The following CELF3 variants were observed in gnomAD, a reference collection of about 807,000 sequenced individuals.
CELF3 encodes CAG repeat domain.
Under a neutral mutation model 59.6 loss-of-function variants are expected in CELF3, and 26 were observed. The ratio of observed to expected loss-of-function variants is 0.44; its 90% confidence interval spans 0.32 to 0.61. The LOEUF is 0.61. Among genes scored for constraint, CELF3 ranks in the 20% least tolerant of loss-of-function variants. The pLI is 0.06. For synonymous variants in CELF3, 245 were observed against 250.7 expected (o/e 0.98, Z 0.22); for missense variants, 387 against 627.2 (o/e 0.62, Z 4.09).
chr1:151,713,944 G>C (rs1673241655), intron 2 of CELF3, among the ~76,000 whole-genome samples: 1 of 152,068 alleles, frequency 6.6e-6, no homozygotes, highest in Non-Finnish European at 1.5e-5. Context: ...TGCCTCCCTG[G>C]GCATACCTGG....
At chr1:151,715,836 A>G (rs752826040) in intron 1 of CELF3, 40 bp downstream of exon 1, 1 of 1,594,006 alleles carries the variant, frequency 6.3e-7, no homozygotes, top group Non-Finnish European at 8.6e-7. Flanking sequence ...CCAGCCTCCC[A>G]GCCCACCCCG....
chr1:151,707,695 C>T (rs1400517442), intron 6 of CELF3, 47 bp from the exon 7 acceptor site: 2 of 1,598,204 alleles, frequency 1.3e-6, no homozygotes, highest in Non-Finnish European at 1.7e-6. Context: ...TGTGCCCAAG[C>T]CTGGCTCCCT....
chr1:151,714,624 G>C lies in CELF3; in HGVS notation c.198C>G (p.Ser66Arg). The C allele has an allele frequency of 1.9e-6, 3 of 1,560,030 alleles. No individual in the cohort carries two copies. Among genetic ancestry groups the C allele is most frequent in the Non-Finnish European group, 2.6e-6 (3 of 1,151,644 alleles). ...GAAGCGTCTTCTGTTCGTGCAGGGC[G>C]CTCTGGGCCTTCAGGGCTGAATCCC... The part of the protein sequence containing the change: ...CARDSALKAQ[S>R]ALHEQKTLPG... The change falls in exon 2 of 13, where the codon AGC (serine) becomes AGG (arginine). Residue 66 changes from serine (S) to arginine (R), a missense_variant. Coordinates refer to ENST00000290583, the MANE Select transcript of CELF3 (RefSeq NM_007185.7).
intron 5 of CELF3, chr1:151,708,326 C>G (rs573021082): frequency 1.2e-4 from 27 of 218,988 alleles, no homozygotes; most frequent in Non-Finnish European, 2.1e-4. Context: ...CTCCTGCCCC[C>G]ACACCCCAGT....
intron 6 of CELF3, 51 bp from the exon 7 acceptor site, chr1:151,707,699 GCTCC>G (rs767310847): frequency 5.0e-6 from 8 of 1,598,402 alleles, no homozygotes; most frequent in Non-Finnish European, 4.3e-6. Context: ...CCCAAGCCTG[GCTCC>G]CTCCCAGCCC....
Position 151,705,255 on chromosome 1 carries a change from A to T in CELF3, c.1271-87T>A. 1 of 1,441,524 alleles carries T rather than the reference A, an allele frequency of 6.9e-7. No homozygotes were observed. Among genetic ancestry groups the T allele is most frequent in the Non-Finnish European group, 9.4e-7 (1 of 1,068,862 alleles). The allele number at this position is 1,441,524 out of a possible 1,614,324, so 89.3% of individuals were successfully genotyped here. A position where few individuals can be genotyped will look rare whatever the true frequency, so the allele number is the denominator to read the frequency against. ...CCTCTGGCACTACCCTGTGTCTCCC[A>T]AGTGTCCCAAATGCCTAGAAAGCTG... On this transcript the variant is annotated intron_variant, in intron 11 of 12. Transcript: ENST00000290583. This position sits in a 1 kb window ranked among gnomAD's most constrained non-coding sequence, Gnocchi z 5.1.
chr1:151,704,110 G>A (rs1407472087), intron 12 of CELF3, among the ~76,000 whole-genome samples: 2 of 152,042 alleles, frequency 1.3e-5, no homozygotes, highest in African/African-American at 4.8e-5. Context: ...AAGACAACAC[G>A]CTCGTTCCAT....
In CELF3 at chr1:151,705,719, T is replaced by C. The variant is rs929339592; in HGVS notation, c.1270+103A>G. The stretch of plus-strand genomic sequence containing the variant: ...CTCTTTTGTACTCTTGGATAATCAG[T>C]ATTTCAAATACTGGGTCCACTGTGA... On this transcript the variant is annotated intron_variant, in intron 11 of 12. Transcript: ENST00000290583. The surrounding 1 kb of genome is among the most constrained non-coding windows in gnomAD (Gnocchi z 5.1). 7.9e-7 allele frequency: 1 copy of C among 1,267,606 alleles called. No homozygotes were observed. Among genetic ancestry groups the C allele is most frequent in the African/African-American group, 1.5e-5 (1 of 67,410 alleles). The allele number at this position is 1,267,606 out of a possible 1,614,324, so 78.5% of individuals were successfully genotyped here.
At chr1:151,706,051 T>C (rs1672490233) in intron 10 of CELF3, 86 bp from the exon 11 acceptor site, 2 of 1,592,480 alleles carry the variant, frequency 1.3e-6, no homozygotes, top group African/African-American at 1.3e-5. Flanking sequence ...AAGCAGATCC[T>C]GGGAGTGCCC....
Position 151,705,724 on chromosome 1 carries a change from C to G in CELF3, c.1270+98G>C. On this transcript the variant is annotated intron_variant, in intron 11 of 12. Transcript: ENST00000290583. This position sits in a 1 kb window ranked among gnomAD's most constrained non-coding sequence, Gnocchi z 5.1. ...TTGTACTCTTGGATAATCAGTATTT[C>G]AAATACTGGGTCCACTGTGACCATA... The G allele has an allele frequency of 7.5e-7, 1 of 1,331,320 alleles. No individual in the cohort carries two copies. The highest frequency in any genetic ancestry group is 1.0e-6 in the Non-Finnish European group (1 of 955,974). 82.5% of individuals were successfully genotyped at this position (1,331,320 alleles called of 1,614,324 possible).
chr1:151,715,897 T>C lies in CELF3; in HGVS notation c.124A>G (p.Lys42Glu). The change falls in exon 1 of 13, where the codon AAG (lysine) becomes GAG (glutamate). Residue 42 changes from lysine to glutamate, a missense_variant. Transcript: ENST00000290583. ...RIFELTVIKD[K>E]YTGLHKGCAF... ...TCACCCTTGTGCAGCCCGGTGTACTTGTCCTTGATGACAGTCAGCTCAAAG... is the reference window on the plus strand; with the variant it reads ...TCACCCTTGTGCAGCCCGGTGTACTCGTCCTTGATGACAGTCAGCTCAAAG... The C allele has an allele frequency of 6.2e-7, 1 of 1,614,076 alleles. No homozygotes were observed. Among genetic ancestry groups the C allele is most frequent in the Non-Finnish European group, 8.5e-7 (1 of 1,179,950 alleles).
Position 151,709,649 on chromosome 1 carries a change from C to T in CELF3, c.277+94G>A. ...CTGGGAACTCTTCAGAATCATCAGGCTTTCTCCCTCAAGAAAGGCTACCCC... is the reference window on the plus strand; with the variant it reads ...CTGGGAACTCTTCAGAATCATCAGGTTTTCTCCCTCAAGAAAGGCTACCCC... On this transcript the variant is annotated intron_variant, in intron 3 of 12. Coordinates refer to ENST00000290583, the MANE Select transcript of CELF3 (RefSeq NM_007185.7). The surrounding 1 kb of genome is among the most constrained non-coding windows in gnomAD (Gnocchi z 4.9). The T allele has an allele frequency of 1.6e-6, 2 of 1,276,524 alleles. No homozygotes were observed. The highest frequency in any genetic ancestry group is 2.3e-6 in the Non-Finnish European group (2 of 873,138). 79.1% of individuals were successfully genotyped at this position (1,276,524 alleles called of 1,614,324 possible). A position where few individuals can be genotyped will look rare whatever the true frequency, so the allele number is the denominator to read the frequency against.
Position 151,705,704 on chromosome 1 carries a change from C to T in CELF3, c.1270+118G>A, listed in dbSNP as rs1672451377. ...GGTGTGTCAAAATGGCTCTTTTGTA[C>T]TCTTGGATAATCAGTATTTCAAATA... On this transcript the variant is annotated intron_variant, in intron 11 of 12. Coordinates refer to ENST00000290583, the MANE Select transcript of CELF3 (RefSeq NM_007185.7). This position sits in a 1 kb window ranked among gnomAD's most constrained non-coding sequence, Gnocchi z 5.1. The T allele has an allele frequency of 8.5e-7, 1 of 1,175,264 alleles. No individual in the cohort carries two copies. The allele number at this position is 1,175,264 out of a possible 1,614,324, so 72.8% of individuals were successfully genotyped here. A position where few individuals can be genotyped will look rare whatever the true frequency, so the allele number is the denominator to read the frequency against.
Position 151,702,290 on chromosome 1 carries a change from C to G in CELF3, c.*1169G>C, listed in dbSNP as rs113724761. Reference sequence around the variant, plus strand: ...TGGATGCTGCTCAAAAGCAAGGGCCCGGCCTTCCCTGATGGGATTTTCTCT... The same window carrying G: ...TGGATGCTGCTCAAAAGCAAGGGCCGGGCCTTCCCTGATGGGATTTTCTCT... On this transcript the variant is annotated 3_prime_UTR_variant, in exon 13 of 13. Transcript: ENST00000290583. 1 of 152,188 alleles carries G rather than the reference C, an allele frequency of 6.6e-6. No individual in the cohort carries two copies. The highest frequency in any genetic ancestry group is 6.5e-5 in the Admixed American group (1 of 15,284). The allele number at this position is 152,188 out of a possible 1,614,324, so 9.4% of individuals were successfully genotyped here.
rs771914803 is a variant in CELF3, at chr1:151,702,165, C to T, written c.*1294G>A. 6.8e-4 allele frequency among the ~76,000 whole-genome samples: 103 copies of T among 152,120 alleles called. No homozygotes were observed. Among genetic ancestry groups the T allele is most frequent in the Non-Finnish European group, 8.8e-4 (60 of 68,032 alleles). Reference sequence around the variant, plus strand: ...AGAGCTGGATACAGGGGAGAGCCCCCGACAGGGGAGATCTCCTTGTGCCGA... The same window carrying T: ...AGAGCTGGATACAGGGGAGAGCCCCTGACAGGGGAGATCTCCTTGTGCCGA... On this transcript the variant is annotated 3_prime_UTR_variant, in exon 13 of 13. Transcript: ENST00000290583.
intron 12 of CELF3, among the ~76,000 whole-genome samples, chr1:151,704,594 C>G (rs1024761837): frequency 3.3e-5 from 5 of 152,072 alleles, no homozygotes; most frequent in Admixed American, 2.0e-4. Context: ...AACAGAGATT[C>G]TAGGAGCCAA....
Position 151,709,339 on chromosome 1 carries a change from T to C in CELF3, c.287A>G (p.Lys96Arg). 1 of 1,614,014 alleles carries C rather than the reference T, an allele frequency of 6.2e-7. No individual in the cohort carries two copies. The highest frequency in any genetic ancestry group is 8.5e-7 in the Non-Finnish European group (1 of 1,179,940). The change falls in exon 4 of 13, where the codon AAG (lysine) becomes AGG (arginine). Residue 96 changes from lysine to arginine, a missense_variant. By Grantham distance (26) the Lys-to-Arg change is conservative. Transcript: ENST00000290583. The surrounding 1 kb of genome is among the most constrained non-coding windows in gnomAD (Gnocchi z 4.9). ...ADSESRGEDR[K>R]LFVGMLGKQQ... is the part of the protein sequence containing the mutation. ...CTTCCCTAGCATCCCCACAAAGAGCTTCCGGTCTTCTGGGTGGTAGGGCAC... is the reference window on the plus strand; with the variant it reads ...CTTCCCTAGCATCCCCACAAAGAGCCTCCGGTCTTCTGGGTGGTAGGGCAC...
intron 12 of CELF3, among the ~76,000 whole-genome samples, chr1:151,704,389 G>A (rs1419477699): frequency 6.6e-6 from 1 of 152,122 alleles, no homozygotes; most frequent in Non-Finnish European, 1.5e-5. Flanking sequence ...TGGGGTGGAG[G>A]AGACCTAAGT....
chr1:151,709,372 G>A lies in CELF3; in HGVS notation c.278-24C>T. The A allele has an allele frequency of 6.2e-7, 1 of 1,613,732 alleles. No individual in the cohort carries two copies. On this transcript the variant is annotated intron_variant, in intron 3 of 12. Coordinates refer to ENST00000290583, the MANE Select transcript of CELF3 (RefSeq NM_007185.7). The surrounding 1 kb of genome is among the most constrained non-coding windows in gnomAD (Gnocchi z 4.9). Reference sequence around the variant, plus strand: ...TTCTGGGTGGTAGGGCACAGGAGGAGGGCATGTTCAGGGCCTCCTGGCTGC... The same window carrying A: ...TTCTGGGTGGTAGGGCACAGGAGGAAGGCATGTTCAGGGCCTCCTGGCTGC...
Sources: allele counts gnomAD v4.1 joint callset (sites outside exome capture counted in the v4.1 genomes callset), GRCh38; gene constraint gnomAD v4.1.1; non-coding constraint Gnocchi (gnomAD v3.1); transcripts MANE v1.5; gene names NCBI Gene and HGNC (gene_info 2026-07-23, HGNC 2026-07-21).